XKR9: variants seen among roughly 807,000 people sequenced by gnomAD.
The protein encoded by XKR9 is XK related 9, also known as XK-related protein 9.
XKR9 carries 32 observed loss-of-function variants against 32.0 expected under a neutral mutation model. That is an observed-to-expected ratio of 1.00 (90% CI 0.76 to 1.34). The LOEUF is 1.34. Among genes scored for constraint, XKR9 ranks in the 40% most tolerant of loss-of-function variants. The probability of loss-of-function intolerance (pLI) is 0.00; values close to 1 mark genes in which losing one functional copy is unlikely to be tolerated. For missense variants in XKR9, 546 were observed against 429.7 expected (o/e 1.27, Z -2.39); for synonymous variants, 168 against 143.4 (o/e 1.17, Z -1.22).
At chr8:70,725,947 A>T (rs544312686) in intron 4 of XKR9, among the ~76,000 whole-genome samples, 74 of 152,266 alleles carry the variant, frequency 4.9e-4, no homozygotes, top group Middle Eastern at 3.4e-3. Flanking sequence ...CAAAAAGTTC[A>T]TGGAAAATGC....
the XKR9 span, among the ~76,000 whole-genome samples, chr8:70,999,284 G>T: frequency 2.0e-5 from 3 of 152,048 alleles, no homozygotes; most frequent in African/African-American, 7.2e-5. Flanking sequence ...CAGCCCAATG[G>T]AGTTGCTTGC....
the XKR9 span, among the ~76,000 whole-genome samples, chr8:70,896,608 A>G: frequency 1.0e-3 from 157 of 151,960 alleles, 1 homozygote; most frequent in Middle Eastern, 6.8e-3. Flanking sequence ...AATCTTTCAA[A>G]GAACCAGCTT....
chr8:70,883,589 C>G, the XKR9 span, among the ~76,000 whole-genome samples: 1 of 152,104 alleles, frequency 6.6e-6, no homozygotes, highest in Non-Finnish European at 1.5e-5. Context: ...TTTCCATTGT[C>G]TCTACAGGTT....
intron 2 of XKR9, among the ~76,000 whole-genome samples, chr8:70,767,730 T>C (rs2130224713): frequency 6.6e-6 from 1 of 152,162 alleles, no homozygotes; most frequent in East Asian, 1.9e-4. Context: ...CTTGATCTCC[T>C]GACCTCGTTT....
chr8:71,021,468 T>C, the XKR9 span, among the ~76,000 whole-genome samples: 2 of 151,814 alleles, frequency 1.3e-5, no homozygotes, highest in Non-Finnish European at 2.9e-5. Context: ...TCCCATTTTG[T>C]AGGTTGTCTG....
At chr8:71,030,369 A>T in the XKR9 span, among the ~76,000 whole-genome samples, 440 of 152,242 alleles carry the variant, frequency 2.9e-3, 4 homozygotes, top group African/African-American at 9.9e-3. Context: ...ACACTCTGGG[A>T]GCTGAGTAGG....
At chr8:70,857,103 A>G in the XKR9 span, among the ~76,000 whole-genome samples, 2 of 152,230 alleles carry the variant, frequency 1.3e-5, no homozygotes, top group Admixed American at 6.5e-5. Context: ...AGCTAGCAGA[A>G]GGCAAGAAAT....
intron 4 of XKR9, among the ~76,000 whole-genome samples, chr8:70,732,577 C>T (rs887832401): frequency 2.9e-4 from 44 of 152,206 alleles, no homozygotes; most frequent in African/African-American, 1.1e-3. Flanking sequence ...CTTGCTGCTG[C>T]ATGGACAGAA....
At chr8:70,805,665 G>A in the XKR9 span, among the ~76,000 whole-genome samples, 9 of 152,206 alleles carry the variant, frequency 5.9e-5, no homozygotes, top group Non-Finnish European at 1.3e-4. Flanking sequence ...CTCTTCAGGC[G>A]TGACCCTGAC....
Position 70,733,781 on chromosome 8 carries a change from T to G in XKR9, c.494-15T>G. ...ATTCCTATAACAATATATTTTTTAT[T>G]TTTTTGTTTTGTAGATGCGGCCATC... On this transcript the variant is annotated splice_polypyrimidine_tract_variant and intron_variant, in intron 4 of 4. Coordinates refer to ENST00000408926, the MANE Select transcript of XKR9 (RefSeq NM_001011720.2). 2 of 1,516,588 alleles carry G rather than the reference T, an allele frequency of 1.3e-6. No homozygotes were observed. Among genetic ancestry groups the G allele is most frequent in the Non-Finnish European group, 1.8e-6 (2 of 1,136,874 alleles). 93.9% of individuals were successfully genotyped at this position (1,516,588 alleles called of 1,614,324 possible). A position where few individuals can be genotyped will look rare whatever the true frequency, so the allele number is the denominator to read the frequency against.
the XKR9 span, among the ~76,000 whole-genome samples, chr8:70,967,949 T>A: frequency 6.6e-6 from 1 of 152,030 alleles, no homozygotes; most frequent in Non-Finnish European, 1.5e-5. Flanking sequence ...ATTACTGGAG[T>A]TCTCTGGATT....
At position 70,707,150 on chromosome 8, in the gene XKR9, C is replaced by A; in HGVS notation, c.490C>A (p.Gln164Lys). 6.2e-7 allele frequency: 1 copy of A among 1,612,212 alleles called. No homozygotes were observed. Among genetic ancestry groups the A allele is most frequent in the South Asian group, 1.1e-5 (1 of 90,884 alleles). The part of the protein sequence containing the change: ...LLEHGQANFS[Q>K]YAAIMVSCCA... ...GGAGCATGGACAAGCGAATTTCAGTCAGTGTAAGTTTTTCTTAACTCCTTG... is the reference window on the plus strand; with the variant it reads ...GGAGCATGGACAAGCGAATTTCAGTAAGTGTAAGTTTTTCTTAACTCCTTG... Residue 164 changes from glutamine to lysine, a missense_variant, in exon 4 of 5, where the codon CAG becomes AAG. Coordinates refer to ENST00000408926, the MANE Select transcript of XKR9 (RefSeq NM_001011720.2).
the XKR9 span, among the ~76,000 whole-genome samples, chr8:70,995,360 A>T: frequency 6.6e-6 from 1 of 152,216 alleles, no homozygotes; most frequent in Admixed American, 6.5e-5. Flanking sequence ...AGTTATCAAC[A>T]GTATAGTTCC....
At chr8:71,039,885 A>G in the XKR9 span, among the ~76,000 whole-genome samples, 3 of 152,262 alleles carry the variant, frequency 2.0e-5, no homozygotes, top group African/African-American at 7.2e-5. Flanking sequence ...CTCTCCACAT[A>G]TGAAAAGAAA....
At chr8:70,962,566 C>A in the XKR9 span, among the ~76,000 whole-genome samples, 2 of 152,300 alleles carry the variant, frequency 1.3e-5, no homozygotes, top group South Asian at 4.1e-4. Flanking sequence ...GTGTAGCATT[C>A]CACGGTGTAT....
intron 1 of XKR9, among the ~76,000 whole-genome samples, chr8:70,673,612 A>G (rs933450713): frequency 1.3e-5 from 2 of 152,086 alleles, no homozygotes; most frequent in African/African-American, 2.4e-5. Flanking sequence ...TAAAAATACA[A>G]AAATTAGGTG....
the XKR9 span, among the ~76,000 whole-genome samples, chr8:70,826,346 C>A: frequency 3.4e-4 from 52 of 152,226 alleles, 1 homozygote; most frequent in Admixed American, 1.4e-3. Flanking sequence ...TTAGCAAAAA[C>A]AAACATTGAC....
the XKR9 span, among the ~76,000 whole-genome samples, chr8:70,843,720 C>T: frequency 8.5e-5 from 13 of 152,170 alleles, no homozygotes; most frequent in African/African-American, 3.1e-4. Context: ...CAATCTTACC[C>T]ATGGGAGCAG....
At chr8:71,009,450 T>G in the XKR9 span, among the ~76,000 whole-genome samples, 1 of 152,326 alleles carries the variant, frequency 6.6e-6, no homozygotes, top group East Asian at 1.9e-4. Context: ...ACTACTGGTC[T>G]ACAGTGAAGA....
Sources: gnomAD v4.1 joint callset for allele counts (sites outside exome capture counted in the v4.1 genomes callset) on GRCh38, gnomAD v4.1.1 for gene constraint, MANE v1.5 for transcripts, NCBI Gene and HGNC (gene_info 2026-07-23, HGNC 2026-07-21) for gene names.